The following SPATA6 variants were observed in gnomAD, a reference collection of about 807,000 sequenced individuals.
SPATA6 encodes the protein spermatogenesis-associated protein 6.
A neutral mutation model predicts 65.3 loss-of-function variants in SPATA6; 56 were observed. The observed-to-expected ratio is 0.86, with a 90% CI of 0.69 to 1.07. SPATA6 has a LOEUF of 1.07. Ranked by LOEUF, SPATA6 falls within the 50% of genes least tolerant of loss-of-function variation. The probability of loss-of-function intolerance (pLI) is 0.00; values close to 1 mark genes in which losing one functional copy is unlikely to be tolerated. For synonymous variants in SPATA6, 199 were observed against 213.2 expected, an observed-to-expected ratio of 0.93 and a Z score of 0.58; for missense variants, 590 against 594.8, an observed-to-expected ratio of 0.99 and a Z score of 0.08.
intron 12 of SPATA6, among the ~76,000 whole-genome samples, chr1:48,300,871 A>G (rs1383075526): frequency 1.3e-5 from 2 of 152,114 alleles, no homozygotes; most frequent in Non-Finnish European, 2.9e-5. Flanking sequence ...TCCACTCATA[A>G]TAAAACCCCT....
intron 1 of SPATA6, among the ~76,000 whole-genome samples, chr1:48,467,056 T>C (rs1657861204): frequency 6.6e-6 from 1 of 152,126 alleles, no homozygotes; most frequent in Non-Finnish European, 1.5e-5. Context: ...AAAATGTAAG[T>C]GATGGAAAAT....
intron 2 of SPATA6, among the ~76,000 whole-genome samples, chr1:48,452,206 G>T (rs1253847497): frequency 6.6e-6 from 1 of 151,818 alleles, no homozygotes; most frequent in Non-Finnish European, 1.5e-5. Flanking sequence ...AGTAGGTTCT[G>T]GAGAAAAAGA....
intron 3 of SPATA6, among the ~76,000 whole-genome samples, chr1:48,449,348 G>A (rs749492950): frequency 3.3e-5 from 5 of 152,104 alleles, no homozygotes; most frequent in Admixed American, 6.5e-5. Flanking sequence ...ATCACTAAAC[G>A]TAAAACAATC....
intron 9 of SPATA6, among the ~76,000 whole-genome samples, chr1:48,364,315 C>A (rs1570310242): frequency 1.3e-5 from 2 of 152,102 alleles, no homozygotes; most frequent in Middle Eastern, 6.8e-3. Context: ...GGGTATATAC[C>A]CAGTAATGGG....
intron 9 of SPATA6, among the ~76,000 whole-genome samples, chr1:48,384,062 A>ACGAGACTCCATCTGCAATCC (rs1231962965): frequency 6.6e-6 from 1 of 151,106 alleles, no homozygotes; most frequent in African/African-American, 2.4e-5. Flanking sequence ...CACTGAGTGA[A>ACGAGACTCCATCTGCAATCC]CGAGACTCCA....
rs573789112 is a variant in SPATA6, at chr1:48,333,629, T to C, written c.1194+22041A>G. Among the ~76,000 whole-genome samples the C allele has an allele frequency of 2.4e-3, 360 of 152,336 alleles. 1 individual carries two copies. The highest frequency in any genetic ancestry group is 2.7e-3 in the Non-Finnish European group (182 of 68,036). On this transcript the variant is annotated intron_variant, in intron 11 of 12. Coordinates refer to ENST00000371847, the MANE Select transcript of SPATA6 (RefSeq NM_019073.4). ...CGAAGACATAGCATATCAGAATCTC[T>C]GGGACAAAGCTGAGGCAGTGTTAAG...
At chr1:48,327,819 T>A (rs1033552703) in intron 11 of SPATA6, among the ~76,000 whole-genome samples, 2 of 152,038 alleles carry the variant, frequency 1.3e-5, no homozygotes, top group African/African-American at 4.8e-5. Flanking sequence ...CCAAAAATGG[T>A]GGGGAGAAGA....
rs367819825 is a variant in SPATA6 at position 48,373,831 on chromosome 1, T to C, written c.909+11478A>G. ...CTTACTTACTATTAGGAGAATAGCA[T>C]GGGAAAGACCGGTCCCCATGATTCA... On this transcript the variant is annotated intron_variant, in intron 9 of 12. Transcript: ENST00000371847. Among the ~76,000 whole-genome samples, 20 of 152,176 alleles carry C rather than the reference T, an allele frequency of 1.3e-4. 1 individual carries two copies. Among genetic ancestry groups the C allele is most frequent in the African/African-American group, 4.8e-4 (20 of 41,438 alleles).
intron 1 of SPATA6, among the ~76,000 whole-genome samples, chr1:48,461,775 T>A (rs925680531): frequency 1.1e-4 from 17 of 152,132 alleles, no homozygotes; most frequent in Non-Finnish European, 2.5e-4. Flanking sequence ...CCATTGTGGA[T>A]GTCAGTGTGG....
At chr1:48,370,370 G>T (rs1647199537) in intron 9 of SPATA6, among the ~76,000 whole-genome samples, 1 of 152,196 alleles carries the variant, frequency 6.6e-6, no homozygotes, top group Non-Finnish European at 1.5e-5. Context: ...GGAAAGTATG[G>T]TTCTGAAAGG....
intron 3 of SPATA6, chr1:48,436,320 T>C: frequency 1.2e-6 from 2 of 1,612,868 alleles, no homozygotes; most frequent in Non-Finnish European, 1.7e-6. Flanking sequence ...GGCATCCCAA[T>C]ATTACAACTT....
At chr1:48,424,925 T>C (rs1303233548) in intron 3 of SPATA6, among the ~76,000 whole-genome samples, 1 of 152,220 alleles carries the variant, frequency 6.6e-6, no homozygotes. Flanking sequence ...AAATATTTTC[T>C]CCCATTCTGT....
chr1:48,352,766 AG>A (rs1403993352), intron 11 of SPATA6, among the ~76,000 whole-genome samples: 1 of 152,022 alleles, frequency 6.6e-6, no homozygotes, highest in East Asian at 1.9e-4. Flanking sequence ...GATAGATCAT[AG>A]GAAAACTACT....
intron 3 of SPATA6, among the ~76,000 whole-genome samples, chr1:48,415,177 G>T (rs1365174083): frequency 6.6e-6 from 1 of 152,200 alleles, no homozygotes; most frequent in African/African-American, 2.4e-5. Context: ...TTACATAATT[G>T]TTTTGAAATG....
At chr1:48,351,920 G>A (rs747675469) in intron 11 of SPATA6, among the ~76,000 whole-genome samples, 5 of 151,984 alleles carry the variant, frequency 3.3e-5, no homozygotes, top group Non-Finnish European at 4.4e-5. Context: ...CCTTGAAAAA[G>A]TTCTTAACTA....
chr1:48,290,008 A>G, the SPATA6 span, among the ~76,000 whole-genome samples: 1 of 152,214 alleles, frequency 6.6e-6, no homozygotes, highest in African/African-American at 2.4e-5. Flanking sequence ...AAACGCCACA[A>G]AGATACTCCT....
chr1:48,276,751 T>C, the SPATA6 span, among the ~76,000 whole-genome samples: 3 of 152,194 alleles, frequency 2.0e-5, no homozygotes, highest in Non-Finnish European at 4.4e-5. Context: ...TTACTTCCAA[T>C]TATGTGGTCA....
chr1:48,429,695 T>G (rs1654224885), intron 3 of SPATA6, among the ~76,000 whole-genome samples: 1 of 151,880 alleles, frequency 6.6e-6, no homozygotes, highest in Non-Finnish European at 1.5e-5. Context: ...AGAAAAAGAC[T>G]TTAAAATCAC....
At chr1:48,449,702 C>G (rs1012967775) in intron 3 of SPATA6, among the ~76,000 whole-genome samples, 2 of 152,168 alleles carry the variant, frequency 1.3e-5, no homozygotes, top group Non-Finnish European at 2.9e-5. Flanking sequence ...TGCAAAAAGA[C>G]ACTTTGAGGA....
Sources: gnomAD v4.1 joint callset for allele counts (sites outside exome capture counted in the v4.1 genomes callset) on GRCh38, gnomAD v4.1.1 for gene constraint, MANE v1.5 for transcripts, NCBI Gene and HGNC (gene_info 2026-07-23, HGNC 2026-07-21) for gene names.